Variants in NAV2 observed in about 807,000 individuals in gnomAD.
NAV2 encodes helicase, APC down-regulated 1.
NAV2 carries 54 observed loss-of-function variants against 223.2 expected under a neutral mutation model. That is an observed-to-expected ratio of 0.24 (90% confidence interval 0.19 to 0.30). The LOEUF (loss-of-function observed/expected upper bound fraction) is 0.30. Among genes scored for constraint, NAV2 ranks in the 10% least tolerant of loss-of-function variants. NAV2 has a pLI of 1.00. For missense variants in NAV2, 2,806 were observed against 3,147.5 expected (o/e 0.89, Z 2.60); for synonymous variants, 1,279 against 1,239.3 (o/e 1.03, Z -0.67).
chr11:19,938,264 A>T (rs1482882038), intron 7 of NAV2, among the ~76,000 whole-genome samples: 1 of 152,210 alleles, frequency 6.6e-6, no homozygotes, highest in Non-Finnish European at 1.5e-5. Context: ...TACAAAAGTC[A>T]ATGAAAGATC....
intron 1 of NAV2, among the ~76,000 whole-genome samples, chr11:19,493,636 C>A (rs1323121735): frequency 2.0e-5 from 3 of 152,174 alleles, no homozygotes; most frequent in African/African-American, 7.2e-5. Flanking sequence ...CTGACGAAGT[C>A]CCCTGGGACT....
At chr11:19,410,113 C>T (rs11025124) in intron 1 of NAV2, among the ~76,000 whole-genome samples, 24,086 of 152,152 alleles carry the variant, frequency 0.16, 2,753 homozygotes, top group African/African-American at 0.3. Flanking sequence ...ATTTCCTGCC[C>T]TGCTTCAGGG....
At chr11:19,801,157 G>A (rs1229602125) in intron 1 of NAV2, among the ~76,000 whole-genome samples, 1 of 152,214 alleles carries the variant, frequency 6.6e-6, no homozygotes, top group East Asian at 1.9e-4. Flanking sequence ...TTTGATCAGG[G>A]ATGTGGCAGC....
intron 1 of NAV2, among the ~76,000 whole-genome samples, chr11:19,409,023 T>G (rs941755630): frequency 6.6e-6 from 1 of 150,644 alleles, no homozygotes; most frequent in African/African-American, 2.4e-5. Flanking sequence ...AGAGGGGGGC[T>G]CTTGGAGGAT....
At chr11:19,594,607 G>C (rs1318517777) in intron 1 of NAV2, among the ~76,000 whole-genome samples, 1 of 152,060 alleles carries the variant, frequency 6.6e-6, no homozygotes, top group East Asian at 1.9e-4. Context: ...ATTTCCCTGG[G>C]CTTTCCATCT....
chr11:19,947,065 T>C (rs2046993178), intron 9 of NAV2, among the ~76,000 whole-genome samples: 1 of 152,224 alleles, frequency 6.6e-6, no homozygotes, highest in Non-Finnish European at 1.5e-5. Context: ...CCCTGGGATG[T>C]CTTTTGTGAT....
At chr11:19,516,449 A>G (rs1446451962) in intron 1 of NAV2, among the ~76,000 whole-genome samples, 1 of 152,186 alleles carries the variant, frequency 6.6e-6, no homozygotes, top group Non-Finnish European at 1.5e-5. Context: ...AGTTGTGAAC[A>G]CTTTTAAGGC....
chr11:19,740,261 G>C (rs2052676427), intron 1 of NAV2, among the ~76,000 whole-genome samples: 2 of 152,296 alleles, frequency 1.3e-5, no homozygotes, highest in South Asian at 4.1e-4. Flanking sequence ...AGGGGACATT[G>C]TGGGCAAAGA....
chr11:19,698,256 C>T (rs2049405622), intron 1 of NAV2, among the ~76,000 whole-genome samples: 2 of 152,202 alleles, frequency 1.3e-5, no homozygotes, highest in Admixed American at 1.3e-4. Context: ...AATGAGGTGG[C>T]CATCCCTACT....
intron 1 of NAV2, among the ~76,000 whole-genome samples, chr11:19,463,250 A>T (rs1255189322): frequency 6.6e-6 from 1 of 152,264 alleles, no homozygotes; most frequent in Non-Finnish European, 1.5e-5. Context: ...CATGTTCTTC[A>T]TCCACTCACA....
intron 5 of NAV2, among the ~76,000 whole-genome samples, chr11:19,885,800 A>G (rs1021432354): frequency 3.3e-5 from 5 of 152,326 alleles, no homozygotes; most frequent in African/African-American, 1.2e-4. Context: ...GGAAAGGGAA[A>G]TCCATACTCA....
chr11:19,745,386 G>A (rs1035711467), intron 1 of NAV2, among the ~76,000 whole-genome samples: 1 of 152,116 alleles, frequency 6.6e-6, no homozygotes, highest in Non-Finnish European at 1.5e-5. Flanking sequence ...ATTTCCTTGG[G>A]CCCCTAAAAC....
chr11:20,027,399 G>T (rs774755086), intron 11 of NAV2: 110 of 674,002 alleles, frequency 1.6e-4, no homozygotes, highest in Non-Finnish European at 1.9e-4. Context: ...GCTGTCTGGC[G>T]GGGGGCATGG....
chr11:20,045,311 C>G lies in NAV2; in HGVS notation c.3543C>G (p.Ala1181=). The G allele has an allele frequency of 1.2e-6, 2 of 1,614,156 alleles. No homozygotes were observed. The highest frequency in any genetic ancestry group is 1.7e-6 in the Non-Finnish European group (2 of 1,180,030). The change falls in exon 14 of 38, where the codon GCC becomes GCG. Residue 1181 remains alanine, a synonymous_variant. Transcript: ENST00000349880. ...AGAATCAGGATGACGGGTATCTAGC[C>G]CTAAGCTCCCGGACAAACCTTCAGT... ...GAQNQDDGYL[A]LSSRTNLQYR... is the part of the protein sequence containing the mutation.
intron 31 of NAV2, 73 bp from the exon 32 acceptor site, chr11:20,100,864 T>C: frequency 7.6e-7 from 1 of 1,317,008 alleles, no homozygotes; most frequent in Non-Finnish European, 1.1e-6. Context: ...GTCTTGGCAG[T>C]CCCAGTTAGG....
chr11:19,378,904 C>T (rs965890636), intron 1 of NAV2, among the ~76,000 whole-genome samples: 5 of 152,180 alleles, frequency 3.3e-5, no homozygotes, highest in African/African-American at 4.8e-5. Flanking sequence ...ACCCCAGGCT[C>T]GGTGCTGGGC....
intron 12 of NAV2, among the ~76,000 whole-genome samples, chr11:20,040,737 T>A (rs2056839387): frequency 6.6e-6 from 1 of 152,048 alleles, no homozygotes. Context: ...ACCATTGAGA[T>A]GGAAACAACT....
intron 1 of NAV2, among the ~76,000 whole-genome samples, chr11:19,703,968 T>C (rs2049585108): frequency 6.6e-6 from 1 of 151,956 alleles, no homozygotes; most frequent in Non-Finnish European, 1.5e-5. Context: ...GTAACCTCAT[T>C]GCTTTTTTCA....
intron 26 of NAV2, among the ~76,000 whole-genome samples, chr11:20,085,106 G>A (rs539257496): frequency 5.9e-5 from 9 of 151,682 alleles, no homozygotes; most frequent in African/African-American, 2.2e-4. Context: ...AGGCAGGAGG[G>A]TCACTTGAGC....
Sources: gnomAD v4.1 joint callset for allele counts (sites outside exome capture counted in the v4.1 genomes callset) on GRCh38, gnomAD v4.1.1 for gene constraint, MANE v1.5 for transcripts, NCBI Gene and HGNC (gene_info 2026-07-23, HGNC 2026-07-21) for gene names.